The following CHSY3 variants were observed in gnomAD, a reference collection of about 807,000 sequenced individuals.
CHSY3 encodes the protein chondroitin sulfate synthase 3.
CHSY3 carries 35 observed loss-of-function variants against 67.2 expected under a neutral mutation model. That is an observed-to-expected ratio of 0.52 (90% CI 0.40 to 0.69). The LOEUF (loss-of-function observed/expected upper bound fraction) is 0.69, where lower values mean the gene tolerates loss of function less well. CHSY3 is among the 30% of genes least tolerant of loss of function. The pLI, the probability that CHSY3 is intolerant of heterozygous loss-of-function variation, is 0.00. For missense variants in CHSY3, 1,069 were observed against 1,138.5 expected (o/e 0.94, Z 0.88); for synonymous variants, 474 against 434.7 (o/e 1.09, Z -1.12).
chr5:130,029,372 A>G (rs1432417873), intron 2 of CHSY3, among the ~76,000 whole-genome samples: 1 of 152,134 alleles, frequency 6.6e-6, no homozygotes, highest in African/African-American at 2.4e-5. Context: ...AAATCAGGAA[A>G]TTGAGGTTTA....
chr5:130,159,355 G>A (rs188981335), intron 2 of CHSY3, among the ~76,000 whole-genome samples: 473 of 151,326 alleles, frequency 3.1e-3, no homozygotes, highest in Middle Eastern at 6.8e-3. Context: ...TGTAGTGACA[G>A]GGTTTCACCA....
intron 2 of CHSY3, among the ~76,000 whole-genome samples, chr5:130,015,826 T>A (rs1467418360): frequency 1.3e-5 from 2 of 152,124 alleles, no homozygotes; most frequent in Admixed American, 1.3e-4. Flanking sequence ...AGACATAGAC[T>A]CAACCTTGGT....
intron 2 of CHSY3, among the ~76,000 whole-genome samples, chr5:130,097,523 A>G (rs1205779588): frequency 6.6e-6 from 1 of 152,146 alleles, no homozygotes; most frequent in African/African-American, 2.4e-5. Flanking sequence ...GGATTCCACT[A>G]CCTACTCCTG....
chr5:130,162,525 A>ATATT (rs1294870744), intron 2 of CHSY3, among the ~76,000 whole-genome samples: 1 of 151,914 alleles, frequency 6.6e-6, no homozygotes, highest in Admixed American at 6.6e-5. Context: ...CTAGATTCCT[A>ATATT]TATTTATTTA....
chr5:130,185,259 C>G lies in CHSY3; in HGVS notation c.2117C>G (p.Ala706Gly), dbSNP rs763165975. 1 of 1,606,886 alleles carries G rather than the reference C, an allele frequency of 6.2e-7. No individual in the cohort carries two copies. The highest frequency in any genetic ancestry group is 2.2e-5 in the East Asian group (1 of 44,846). ...SRGLGLEMASAQFDNDTLLLF... is the reference protein window; with the variant it reads ...SRGLGLEMASGQFDNDTLLLF... ...GGTCTTGGTCTTGAAATGGCTTCTG[C>G]CCAGTTTGACAATGACACTTTGCTG... is the stretch of plus-strand genomic sequence containing the variant. Residue 706 changes from alanine (A) to glycine (G), a missense_variant, in exon 3 of 3, where the codon GCC becomes GGC. Transcript: ENST00000305031.
At chr5:130,070,658 T>A (rs1468189270) in intron 2 of CHSY3, among the ~76,000 whole-genome samples, 2 of 152,148 alleles carry the variant, frequency 1.3e-5, no homozygotes, top group Non-Finnish European at 2.9e-5. Context: ...ACTCAATTAT[T>A]TGGCTAAAGG....
rs548905308 is a variant in CHSY3 at position 130,018,827 on chromosome 5, C to T, written c.1086+110467C>T. 3.3e-4 allele frequency among the ~76,000 whole-genome samples: 50 copies of T among 152,224 alleles called. No individual in the cohort carries two copies. The South Asian group carries it at 7.9e-3, about 24-fold the overall frequency. ...CCCTCATGAATGGCTCAGTGCCCTT[C>T]TAGGTCAGTGAGTTCTCACCCTTAT... On this transcript the variant is annotated intron_variant, in intron 2 of 2. Transcript: ENST00000305031.
rs186166412 is a variant in CHSY3 at position 130,056,485 on chromosome 5, A to G, written c.1087-127744A>G. ...GATTTGTAAGAAAAGGAATTTCAAA[A>G]TGAATCAAAGATGAATCTTCACTGA... is the stretch of plus-strand genomic sequence containing the variant. On this transcript the variant is annotated intron_variant, in intron 2 of 2. Coordinates refer to ENST00000305031, the MANE Select transcript of CHSY3 (RefSeq NM_175856.5). Among the ~76,000 whole-genome samples the G allele has an allele frequency of 5.9e-5, 9 of 152,344 alleles. No homozygotes were observed. The East Asian group carries it at 1.7e-3, about 29-fold the overall frequency.
intron 2 of CHSY3, among the ~76,000 whole-genome samples, chr5:129,925,725 C>G (rs1451982469): frequency 6.6e-6 from 1 of 152,064 alleles, no homozygotes; most frequent in Non-Finnish European, 1.5e-5. Context: ...TCCCAATTTT[C>G]CATTCCCCAA....
At chr5:130,173,091 G>A (rs184137229) in intron 2 of CHSY3, among the ~76,000 whole-genome samples, 491 of 152,000 alleles carry the variant, frequency 3.2e-3, no homozygotes, top group Admixed American at 6.1e-3. Flanking sequence ...TGCACTGCTC[G>A]CTTATTATCT....
chr5:130,020,461 A>ATATATATATATATATATT (rs1371121130), intron 2 of CHSY3, among the ~76,000 whole-genome samples: 8 of 79,864 alleles, frequency 1.0e-4, no homozygotes, highest in Non-Finnish European at 1.8e-4. Flanking sequence ...ATATATATAT[A>ATATATATATATATATATT]TTTTTTTTTT....
chr5:129,936,099 G>A (rs1761479383), intron 2 of CHSY3, among the ~76,000 whole-genome samples: 1 of 152,144 alleles, frequency 6.6e-6, no homozygotes, highest in African/African-American at 2.4e-5. Flanking sequence ...TTATGTAAAA[G>A]TTTGGGGAAC....
At chr5:129,956,847 T>C (rs1762191146) in intron 2 of CHSY3, among the ~76,000 whole-genome samples, 1 of 152,162 alleles carries the variant, frequency 6.6e-6, no homozygotes, top group African/African-American at 2.4e-5. Context: ...ACCAGTACCA[T>C]GCTGTTTTCG....
At chr5:130,075,730 A>G (rs531691180) in intron 2 of CHSY3, among the ~76,000 whole-genome samples, 16 of 152,276 alleles carry the variant, frequency 1.1e-4, no homozygotes, top group African/African-American at 3.8e-4. Flanking sequence ...TGCCATCTCC[A>G]TGGAAGAAAG....
intron 2 of CHSY3, among the ~76,000 whole-genome samples, chr5:129,996,454 G>A (rs894141758): frequency 6.6e-5 from 10 of 152,176 alleles, no homozygotes; most frequent in Non-Finnish European, 1.5e-4. Context: ...ATTTGTATGT[G>A]TTGTTTTTAC....
chr5:129,973,761 TA>T (rs1192783787), intron 2 of CHSY3, among the ~76,000 whole-genome samples: 1 of 152,100 alleles, frequency 6.6e-6, no homozygotes, highest in African/African-American at 2.4e-5. Context: ...AGTAATCTTC[TA>T]AAAAAAGTTT....
rs191102848 is a variant in CHSY3, at chr5:129,981,603, C to T, written c.1086+73243C>T. 3.5e-4 allele frequency among the ~76,000 whole-genome samples: 53 copies of T among 152,216 alleles called. No individual in the cohort carries two copies. The East Asian group carries it at 9.8e-3, about 28-fold the overall frequency. ...GTGTGATCATAGTTCACTGCACCCT[C>T]GGACTCCTGGGCTCAAGGAATCCTC... On this transcript the variant is annotated intron_variant, in intron 2 of 2. Coordinates refer to ENST00000305031, the MANE Select transcript of CHSY3 (RefSeq NM_175856.5).
intron 2 of CHSY3, among the ~76,000 whole-genome samples, chr5:130,133,789 A>G (rs1429171988): frequency 4.5e-4 from 55 of 122,752 alleles, no homozygotes; most frequent in South Asian, 2.1e-3. Context: ...AAAAAAAAAA[A>G]AAAAAAGAAA....
chr5:130,139,035 A>C (rs1035587785), intron 2 of CHSY3, among the ~76,000 whole-genome samples: 46 of 152,316 alleles, frequency 3.0e-4, no homozygotes, highest in Admixed American at 9.8e-4. Flanking sequence ...CTAGGGCTAT[A>C]CACCTGTATA....
Sources: allele counts gnomAD v4.1 joint callset (sites outside exome capture counted in the v4.1 genomes callset), GRCh38; gene constraint gnomAD v4.1.1; transcripts MANE v1.5; gene names NCBI Gene and HGNC (gene_info 2026-07-23, HGNC 2026-07-21).